Variants in ESRRB observed in about 807,000 individuals in gnomAD.
ESRRB encodes estrogen related receptor beta, also known as steroid hormone receptor ERR2.
In ESRRB, 16 loss-of-function variants were observed where a neutral mutation model predicts 46.0. The observed-to-expected ratio is 0.35, with a 90% confidence interval of 0.24 to 0.53. The LOEUF (loss-of-function observed/expected upper bound fraction) is 0.53. Among genes scored for constraint, ESRRB ranks in the 20% least tolerant of loss-of-function variants. The pLI, the probability that ESRRB is intolerant of heterozygous loss-of-function variation, is 0.93. For missense variants in ESRRB, 488 were observed against 607.4 expected, an observed-to-expected ratio of 0.80 and a Z score of 2.07; for synonymous variants, 246 against 259.6, an observed-to-expected ratio of 0.95 and a Z score of 0.50.
intron 2 of ESRRB, among the ~76,000 whole-genome samples, chr14:76,460,015 A>G (rs1165777502): frequency 6.6e-6 from 1 of 152,234 alleles, no homozygotes; most frequent in African/African-American, 2.4e-5. Flanking sequence ...AAAAGGGATG[A>G]GAATACTCTC....
At chr14:76,335,282 A>T (rs991507650) in intron 1 of ESRRB, among the ~76,000 whole-genome samples, 2 of 151,876 alleles carry the variant, frequency 1.3e-5, no homozygotes, top group African/African-American at 4.8e-5. Context: ...CCTCTGACCA[A>T]CCCTCTGTTC....
chr14:76,413,838 GTACCATCCTCACCCCTGCACCATCCCCA>G (rs1886544401), intron 1 of ESRRB, among the ~76,000 whole-genome samples: 4 of 25,900 alleles, frequency 1.5e-4, no homozygotes, highest in East Asian at 8.9e-4. Context: ...CCCCCACCCC[GTACCATCCTCACCCCTGCACCATCCCCA>G]CCCCTGCACC....
In ESRRB at chr14:76,315,398, C is replaced by T. The variant is rs74333066; in HGVS notation, c.2+4482C>T. Among the ~76,000 whole-genome samples, 1,240 of 152,234 alleles carry T rather than the reference C, an allele frequency of 8.1e-3. 15 individuals are homozygous for T. The highest frequency in any genetic ancestry group is 0.029 in the African/African-American group (1,200 of 41,548). On this transcript the variant is annotated intron_variant, in intron 1 of 6. Coordinates refer to the ESRRB transcript ENST00000512784. ...CCCTCTTGCCCTGACCCGTGCTCTACGGACAGTAGAGAGCTGCAGTTAAGC... is the reference window on the plus strand; with the variant it reads ...CCCTCTTGCCCTGACCCGTGCTCTATGGACAGTAGAGAGCTGCAGTTAAGC...
upstream of ESRRB, among the ~76,000 whole-genome samples, chr14:76,375,133 C>T (rs1019711364): frequency 6.6e-6 from 1 of 151,314 alleles, no homozygotes; most frequent in Non-Finnish European, 1.5e-5. Context: ...GCTTTTCCCC[C>T]CTTTTAAATA....
chr14:76,330,962 C>A (rs1884006318), intron 1 of ESRRB, among the ~76,000 whole-genome samples: 1 of 152,152 alleles, frequency 6.6e-6, no homozygotes. Flanking sequence ...AGACAGCCTG[C>A]AGATGGCATT....
At position 76,323,647 on chromosome 14, in the gene ESRRB, A is replaced by G. The variant is rs113435143; in HGVS notation, c.2+12731A>G. 7.0e-3 allele frequency among the ~76,000 whole-genome samples: 1,066 copies of G among 152,228 alleles called. 12 individuals are homozygous for G. Among genetic ancestry groups the G allele is most frequent in the African/African-American group, 0.024 (989 of 41,534 alleles). ...TCATAAGGAGCCCACTCAAGTTCCC[A>G]TGCTGGGGAGGGGAGGTGTGTTGGA... On this transcript the variant is annotated intron_variant, in intron 1 of 6. Transcript: ENST00000512784.
chr14:76,318,860 A>C (rs914314213), intron 1 of ESRRB, among the ~76,000 whole-genome samples: 1 of 152,230 alleles, frequency 6.6e-6, no homozygotes, highest in Admixed American at 6.5e-5. Context: ...CCAGTATAGC[A>C]GAAGATGCTA....
chr14:76,445,781 C>G (rs1456139772), intron 2 of ESRRB, among the ~76,000 whole-genome samples: 1 of 151,182 alleles, frequency 6.6e-6, no homozygotes, highest in African/African-American at 2.4e-5. Context: ...GCCTCCCAGG[C>G]TTAAGCAATT....
intron 1 of ESRRB, among the ~76,000 whole-genome samples, chr14:76,390,952 G>A (rs1267810578): frequency 1.3e-5 from 2 of 152,216 alleles, no homozygotes; most frequent in Admixed American, 1.3e-4. Flanking sequence ...CAGCATGAAG[G>A]GAGGCTCTGT....
At chr14:76,344,241 G>A (rs1884223068) in intron 1 of ESRRB, among the ~76,000 whole-genome samples, 1 of 152,192 alleles carries the variant, frequency 6.6e-6, no homozygotes, top group African/African-American at 2.4e-5. Flanking sequence ...ATTCACTATT[G>A]TTATTAGTGT....
upstream of ESRRB, among the ~76,000 whole-genome samples, chr14:76,366,936 G>T (rs572075034): frequency 6.6e-6 from 1 of 152,286 alleles, no homozygotes; most frequent in South Asian, 2.1e-4. Context: ...CTCACTGTGT[G>T]CCCCCTTCCT....
At chr14:76,457,677 AT>A (rs1370043100) in intron 2 of ESRRB, among the ~76,000 whole-genome samples, 2 of 151,904 alleles carry the variant, frequency 1.3e-5, no homozygotes, top group African/African-American at 4.8e-5. Flanking sequence ...GGGAACTTTT[AT>A]TTTTTATGTA....
At position 76,500,696 on chromosome 14, in the gene ESRRB, G is replaced by A. The variant is rs745587744; in HGVS notation, c.*2238G>A. The A allele has an allele frequency of 9.3e-6, 15 of 1,613,896 alleles. No homozygotes were observed. The East Asian group carries it at 1.1e-4, about 12-fold the overall frequency. Reference sequence around the variant, plus strand: ...GCATCTGCTGTCTGTCTTTTCTAGGGAAAGCATCTCTGGCTCACCATGTAA... The same window carrying A: ...GCATCTGCTGTCTGTCTTTTCTAGGAAAAGCATCTCTGGCTCACCATGTAA... On this transcript the variant is annotated 3_prime_UTR_variant, in exon 7 of 7. Coordinates refer to ENST00000644823, the MANE Select transcript of ESRRB (RefSeq NM_001379180.1).
At chr14:76,320,090 T>G (rs11159194) in intron 1 of ESRRB, among the ~76,000 whole-genome samples, 62,402 of 151,984 alleles carry the variant, frequency 0.41, 13,914 homozygotes, top group South Asian at 0.53. Context: ...CACTTATTTT[T>G]GGGATGAATT....
chr14:76,343,500 C>CGG (rs1346642383), intron 1 of ESRRB, among the ~76,000 whole-genome samples: 1 of 152,214 alleles, frequency 6.6e-6, no homozygotes, highest in Non-Finnish European at 1.5e-5. Context: ...CTTGTCACCA[C>CGG]ACCTTGCAGT....
chr14:76,340,240 C>T (rs889125999), intron 1 of ESRRB, among the ~76,000 whole-genome samples: 1 of 152,186 alleles, frequency 6.6e-6, no homozygotes, highest in African/African-American at 2.4e-5. Flanking sequence ...CCTCAGATAA[C>T]ACCCCTCAGA....
chr14:76,370,425 A>G (rs1226865660), upstream of ESRRB, among the ~76,000 whole-genome samples: 2 of 152,138 alleles, frequency 1.3e-5, no homozygotes, highest in Non-Finnish European at 2.9e-5. Context: ...CGCCAAAGTC[A>G]CAAGAAACTG....
chr14:76,500,918 G>C lies in ESRRB; in HGVS notation c.*2460G>C. On this transcript the variant is annotated 3_prime_UTR_variant, in exon 7 of 7. Coordinates refer to ENST00000644823, the MANE Select transcript of ESRRB (RefSeq NM_001379180.1). ...CAACAGGAAATGTGTCAGTAACAATGGAACTCCATCCAATGGGAAAGTTCC... is the reference window on the plus strand; with the variant it reads ...CAACAGGAAATGTGTCAGTAACAATCGAACTCCATCCAATGGGAAAGTTCC... 1.6e-6 allele frequency: 1 copy of C among 639,118 alleles called. No individual in the cohort carries two copies. Among genetic ancestry groups the C allele is most frequent in the Non-Finnish European group, 2.8e-6 (1 of 352,790 alleles). The allele number at this position is 639,118 out of a possible 1,614,324, so 39.6% of individuals were successfully genotyped here.
intron 1 of ESRRB, among the ~76,000 whole-genome samples, chr14:76,353,993 A>G (rs865795247): frequency 4.8e-4 from 73 of 152,154 alleles, no homozygotes; most frequent in African/African-American, 1.7e-3. Flanking sequence ...AAAGAAAACT[A>G]AAAGGTCACA....
Sources: gnomAD v4.1 joint callset for allele counts (sites outside exome capture counted in the v4.1 genomes callset) on GRCh38, gnomAD v4.1.1 for gene constraint, MANE v1.5 for transcripts, NCBI Gene and HGNC (gene_info 2026-07-23, HGNC 2026-07-21) for gene names.